Variants in TTN observed in about 807,000 individuals in gnomAD.
TTN encodes the protein titin.
TTN carries 1,525 observed loss-of-function variants against 3,223.0 expected under a neutral mutation model. The ratio of observed to expected loss-of-function variants is 0.47; its 90% CI spans 0.45 to 0.49. The LOEUF (loss-of-function observed/expected upper bound fraction) is 0.49. Ranked by LOEUF, TTN falls within the 20% of genes least tolerant of loss-of-function variation. TTN has a pLI of 0.00. For synonymous variants in TTN, 14,094 were observed against 15,161.0 expected, an observed-to-expected ratio of 0.93 and a Z score of 5.17; for missense variants, 40,786 against 43,424.0, an observed-to-expected ratio of 0.94 and a Z score of 5.40.
In TTN at chr2:178,667,261, T is replaced by C; in HGVS notation, c.35772A>G (p.Glu11924=). 6.2e-7 allele frequency: 1 copy of C among 1,604,510 alleles called. No individual in the cohort carries two copies. The highest frequency in any genetic ancestry group is 8.5e-7 in the Non-Finnish European group (1 of 1,175,534). The part of the protein sequence containing the change: ...PEVEPPEAIP[E]IPEHPPTEEF... The stretch of plus-strand genomic sequence containing the variant: ...CTTCAGTTGGAGGATGTTCTGGAAT[T>C]TCAGGAATAGCCTCAGGTGGCTCCA... The change falls in exon 162 of 363, where the codon GAA becomes GAG. Residue 11924 remains glutamate (E), a synonymous_variant. Transcript: ENST00000589042.
rs745926057 is a variant in TTN, at chr2:178,634,546, G to A, written c.42235C>T (p.Arg14079Ter). The A allele has an allele frequency of 2.5e-6, 4 of 1,613,182 alleles. No homozygotes were observed. Among genetic ancestry groups the A allele is most frequent in the South Asian group, 2.2e-5 (2 of 91,046 alleles). ...TTGGACCATATAACATTTGCCTCTCGGGTGAGGACACATTCGAATCGAGCC... is the reference window on the plus strand; with the variant it reads ...TTGGACCATATAACATTTGCCTCTCAGGTGAGGACACATTCGAATCGAGCC... ...RQARFECVLT[R>*]EANVIWSKGP... Residue 14079 changes from arginine (R) to a stop codon, truncating the protein, a stop_gained, in exon 230 of 363, where the codon CGA (arginine) becomes TGA (stop). Transcript: ENST00000589042. LOFTEE classifies it high-confidence loss of function. The surrounding 1 kb of genome is among the most constrained non-coding windows in gnomAD (Gnocchi z 4.6).
intron 59 of TTN, 46 bp from the exon 60 acceptor site, chr2:178,731,249 GA>G: frequency 1.2e-6 from 2 of 1,610,516 alleles, no homozygotes; most frequent in Non-Finnish European, 1.7e-6. Flanking sequence ...TTACCCTGCT[GA>G]AAGGCTTACA....
intron 308 of TTN, among the ~76,000 whole-genome samples, chr2:178,586,062 T>A (rs2048888164): frequency 1.3e-5 from 2 of 152,102 alleles, no homozygotes; most frequent in Admixed American, 1.3e-4. Flanking sequence ...CCACCAACAG[T>A]GTAAAAGCTT....
rs397517544 is a variant in TTN, at chr2:178,682,906, G to T, written c.32888-3C>A. 7 of 1,593,140 alleles carry T rather than the reference G, an allele frequency of 4.4e-6. No individual in the cohort carries two copies. In the African/African-American group the frequency reaches 5.4e-5, roughly 12 times the overall value. ...TTTCTCTTCCATTATAGTTACTTCTGAAACAATATTAACAACAGGCAGCAC... is the reference window on the plus strand; with the variant it reads ...TTTCTCTTCCATTATAGTTACTTCTTAAACAATATTAACAACAGGCAGCAC... On this transcript the variant is annotated splice_polypyrimidine_tract_variant and splice_region_variant and intron_variant, in intron 134 of 362. Transcript: ENST00000589042.
At chr2:178,595,462 TG>T in intron 295 of TTN, 44 bp downstream of exon 295, 1 of 1,519,870 alleles carries the variant, frequency 6.6e-7, no homozygotes, top group Non-Finnish European at 8.9e-7. Context: ...TTGTACTAAA[TG>T]AGTAAAGAAG....
Position 178,729,843 on chromosome 2 carries a change from A to C in TTN, c.18410T>G (p.Val6137Gly). The C allele has an allele frequency of 6.2e-7, 1 of 1,613,696 alleles. No homozygotes were observed. The highest frequency in any genetic ancestry group is 2.2e-5 in the East Asian group (1 of 44,820). The change falls in exon 63 of 363, where the codon GTG (valine) becomes GGG (glycine). Residue 6137 changes from valine (V) to glycine (G), a missense_variant. Transcript: ENST00000589042. ...TTCATTCCCGTCTAGATACCAAGAC[A>C]CTCGGATTTTAGGAGTGCCTGTTAT... Reference protein sequence around the residue: ...CQITGTPKIRVSWYLDGNEIT... With the variant: ...CQITGTPKIRGSWYLDGNEIT...
chr2:178,576,497 A>G lies in TTN; in HGVS notation c.69715+32T>C, dbSNP rs747685197. 3 of 1,605,272 alleles carry G rather than the reference A, an allele frequency of 1.9e-6. No homozygotes were observed. Among genetic ancestry groups the G allele is most frequent in the Non-Finnish European group, 2.5e-6 (3 of 1,177,716 alleles). On this transcript the variant is annotated intron_variant, in intron 325 of 362. Transcript: ENST00000589042. This position sits in a 1 kb window ranked among gnomAD's most constrained non-coding sequence, Gnocchi z 4.3. ...TTTAGATAAAATATTGGCACTCTGG[A>G]ATGAACGGTGTTGAAAAAGACAAAT...
chr2:178,639,792 T>G lies in TTN; in HGVS notation c.40787-4A>C, dbSNP rs1205464474. The G allele has an allele frequency of 1.9e-6, 3 of 1,579,646 alleles. No individual in the cohort carries two copies. Among genetic ancestry groups the G allele is most frequent in the Non-Finnish European group, 2.6e-6 (3 of 1,166,744 alleles). On this transcript the variant is annotated splice_polypyrimidine_tract_variant and splice_region_variant and intron_variant, in intron 222 of 362. Coordinates refer to ENST00000589042, the MANE Select transcript of TTN (RefSeq NM_001267550.2). Reference sequence around the variant, plus strand: ...GGTGGTTTGATTGTTTTCACTTCTGTAGAGAGAAGTCCATTGCATTAGTGT... The same window carrying G: ...GGTGGTTTGATTGTTTTCACTTCTGGAGAGAGAAGTCCATTGCATTAGTGT...
In TTN at chr2:178,539,052, C is replaced by T. The variant is rs367964855; in HGVS notation, c.98883G>A (p.Gly32961=). 2.5e-6 allele frequency: 4 copies of T among 1,613,670 alleles called. No individual in the cohort carries two copies. Among genetic ancestry groups the T allele is most frequent in the Non-Finnish European group, 3.4e-6 (4 of 1,179,744 alleles). Residue 32961 remains glycine (G), a synonymous_variant, in exon 353 of 363, where the codon GGG becomes GGA. Coordinates refer to ENST00000589042, the MANE Select transcript of TTN (RefSeq NM_001267550.2). The part of the protein sequence containing the change: ...QITTTMYTVT[G]LVPDAEYQFR... ...ACTGATACTCAGCATCGGGAACAAG[C>T]CCTGTGACAGTGTACATTGTGGTGG... is the stretch of plus-strand genomic sequence containing the variant.
At position 178,670,552 on chromosome 2, in the gene TTN, T is replaced by C. The variant is rs56136903; in HGVS notation, c.35309-257A>G. Among the ~76,000 whole-genome samples, 3,376 of 152,070 alleles carry C rather than the reference T, an allele frequency of 0.022. 134 individuals carry two copies. The highest frequency in any genetic ancestry group is 0.078 in the African/African-American group (3,236 of 41,540). On this transcript the variant is annotated intron_variant, in intron 156 of 362. Coordinates refer to ENST00000589042, the MANE Select transcript of TTN (RefSeq NM_001267550.2). ...AACAGTACACCTTCAGCTGGTGCTA[T>C]TACTGTTTGTTTTTGTGGAAGAGTT...
chr2:178,575,380 G>T lies in TTN; in HGVS notation c.70752C>A (p.Thr23584=). Residue 23584 remains threonine (T), a synonymous_variant, in exon 326 of 363, where the codon ACC becomes ACA. Coordinates refer to ENST00000589042, the MANE Select transcript of TTN (RefSeq NM_001267550.2). This position sits in a 1 kb window ranked among gnomAD's most constrained non-coding sequence, Gnocchi z 4.0. ...KGSDQWTHIT[T]VKGLECVVRN... Reference sequence around the variant, plus strand: ...TCACAACACATTCTAACCCTTTCACGGTTGTGATGTGGGTCCACTGGTCAG... The same window carrying T: ...TCACAACACATTCTAACCCTTTCACTGTTGTGATGTGGGTCCACTGGTCAG... 1 of 1,613,558 alleles carries T rather than the reference G, an allele frequency of 6.2e-7. No homozygotes were observed. The highest frequency in any genetic ancestry group is 8.5e-7 in the Non-Finnish European group (1 of 1,179,660).
chr2:178,650,170 G>T lies in TTN; in HGVS notation c.39811C>A (p.Pro13271Thr). 6.3e-7 allele frequency: 1 copy of T among 1,579,738 alleles called. No individual in the cohort carries two copies. Among genetic ancestry groups the T allele is most frequent in the Non-Finnish European group, 8.6e-7 (1 of 1,161,230 alleles). The change falls in exon 210 of 363, where the codon CCA becomes ACA. Residue 13271 changes from proline (P) to threonine (T), a missense_variant. Pro to Thr is a conservative substitution (Grantham distance 38). Coordinates refer to ENST00000589042, the MANE Select transcript of TTN (RefSeq NM_001267550.2). Reference sequence around the variant, plus strand: ...AGTGGATTCTGCTTTGTACCTGCTGGAGGTGGAACCTCTGGTTCCTCCTCT... The same window carrying T: ...AGTGGATTCTGCTTTGTACCTGCTGTAGGTGGAACCTCTGGTTCCTCCTCT... ...AEEEEPEVPP[P>T]AVPEEPKKII... is the part of the protein sequence containing the mutation.
chr2:178,607,859 C>T lies in TTN; in HGVS notation c.52928G>A (p.Arg17643Gln), dbSNP rs571636340. The T allele has an allele frequency of 5.6e-6, 9 of 1,612,982 alleles. No homozygotes were observed. The highest frequency in any genetic ancestry group is 4.5e-5 in the East Asian group (2 of 44,676). Residue 17643 changes from arginine to glutamine, a missense_variant, in exon 276 of 363, where the codon CGG becomes CAG. Arg to Gln is a conservative substitution (Grantham distance 43, BLOSUM62 1). Coordinates refer to ENST00000589042, the MANE Select transcript of TTN (RefSeq NM_001267550.2). ...CCCTGCGGCATTGACAGCACTCACC[C>T]GAAGTTTGTAATCAGCACCCTCTCG... ...EIREGADYKL[R>Q]VSAVNAAGEG...
chr2:178,554,004 C>CA lies in TTN; in HGVS notation c.89106dup (p.Asp29703Ter). 1 of 1,613,434 alleles carries CA rather than the reference C, an allele frequency of 6.2e-7. No homozygotes were observed. The highest frequency in any genetic ancestry group is 8.5e-7 in the Non-Finnish European group (1 of 1,179,812). ...ACAGCACAAACTCTGTATTGATAGT[C>CA]ACTGTTTTCTGTGAGTCCTGTTACT... On this transcript the variant is annotated frameshift_variant, in exon 333 of 363. Transcript: ENST00000589042. LOFTEE classifies it high-confidence loss of function.
rs755534186 is a variant in TTN at position 178,719,807 on chromosome 2, G to A, written c.23685C>T (p.Pro7895=). Reference sequence around the variant, plus strand: ...TTCCAGTAGTGACAGTCATGGGTTCGGGCTTCTCTATGATTCTTGCTGGTT... The same window carrying A: ...TTCCAGTAGTGACAGTCATGGGTTCAGGCTTCTCTATGATTCTTGCTGGTT... ...VLEPARIIEK[P]EPMTVTTGNP... is the part of the protein sequence containing the mutation. The change falls in exon 82 of 363, where the codon CCC becomes CCT. Residue 7895 remains proline, a synonymous_variant. Transcript: ENST00000589042. The A allele has an allele frequency of 8.7e-6, 14 of 1,611,284 alleles. No homozygotes were observed. Among genetic ancestry groups the A allele is most frequent in the Admixed American group, 1.7e-5 (1 of 59,852 alleles).
rs555414240 is a variant in TTN at position 178,564,110 on chromosome 2, C to T, written c.82022G>A (p.Arg27341Gln). The change falls in exon 326 of 363, where the codon CGG becomes CAG. Residue 27341 changes from arginine (R) to glutamine (Q), a missense_variant. Physicochemically the swap from Arg to Gln is conservative, Grantham distance 43 (BLOSUM62 1). Transcript: ENST00000589042. The stretch of plus-strand genomic sequence containing the variant: ...CAGAATATATTGTCCTCCATCAGTC[C>T]GTATACAGTCTTTGACAACAAGAGT... The part of the protein sequence containing the change: ...KTTLVVKDCI[R>Q]TDGGQYILKL... 39 of 1,613,676 alleles carry T rather than the reference C, an allele frequency of 2.4e-5. No homozygotes were observed. The highest frequency in any genetic ancestry group is 1.7e-4 in the Middle Eastern group (1 of 6,060).
rs564820165 is a variant in TTN, at chr2:178,573,370, G to T, written c.72762C>A (p.Ile24254=). ...CACGCCGTTCCACAATATAATTGAT[G>T]ATTTCACTTCCACCATCAGAATCAG... ...GHPDSDGGSE[I]INYIVERRDK... The change falls in exon 326 of 363, where the codon ATC becomes ATA. Residue 24254 remains isoleucine, a synonymous_variant. Transcript: ENST00000589042. 6.6e-7 allele frequency: 1 copy of T among 1,524,592 alleles called. No homozygotes were observed. The highest frequency in any genetic ancestry group is 8.8e-7 in the Non-Finnish European group (1 of 1,137,044). 94.4% of individuals were successfully genotyped at this position (1,524,592 alleles called of 1,614,324 possible).
In TTN at chr2:178,709,639, G is replaced by A. The variant is rs377713076; in HGVS notation, c.28680C>T (p.Asp9560=). ...ACACTTTGCATGTGTACAAACCAGC[G>A]TCGTTCATGCCTGCTTTCCTGACTT... ...VLQVRKAGMN[D]AGLYTCKVSN... The change falls in exon 99 of 363, where the codon GAC becomes GAT. Residue 9560 remains aspartate, a synonymous_variant. Transcript: ENST00000589042. 6.2e-6 allele frequency: 10 copies of A among 1,613,794 alleles called. No individual in the cohort carries two copies. The African/African-American group carries it at 9.3e-5, about 15-fold the overall frequency.
rs397517662 is a variant in TTN, at chr2:178,583,131, G to A, written c.65672C>T (p.Pro21891Leu). 5.1e-5 allele frequency: 82 copies of A among 1,612,020 alleles called. No individual in the cohort carries two copies. Among genetic ancestry groups the A allele is most frequent in the Admixed American group, 2.2e-4 (13 of 59,878 alleles). Residue 21891 changes from proline to leucine, a missense_variant, in exon 313 of 363, where the codon CCG (proline) becomes CTG (leucine). Pro to Leu is a moderately conservative substitution (Grantham distance 98, BLOSUM62 -3). Coordinates refer to ENST00000589042, the MANE Select transcript of TTN (RefSeq NM_001267550.2). ...TTTTTTCCAAGAAACTGTTGGCATC[G>A]GTTTACCAAAAACAGTAGCATCCAA... ...VCLDATVFGK[P>L]MPTVSWKKDG...
Sources: gnomAD v4.1 joint callset for allele counts (sites outside exome capture counted in the v4.1 genomes callset) on GRCh38, gnomAD v4.1.1 for gene constraint, Gnocchi (gnomAD v3.1) non-coding constraint, MANE v1.5 for transcripts, NCBI Gene and HGNC (gene_info 2026-07-23, HGNC 2026-07-21) for gene names.